Variants in RNF17 observed in about 807,000 individuals in gnomAD.
RNF17 encodes the protein spermatogenesis associated 23.
In RNF17, 31 loss-of-function variants were observed where a neutral mutation model predicts 200.5. That is an observed-to-expected ratio of 0.15 (90% confidence interval 0.12 to 0.21). The LOEUF (loss-of-function observed/expected upper bound fraction) is 0.21. Ranked by LOEUF, RNF17 falls within the 10% of genes least tolerant of loss-of-function variation. The pLI, the probability that RNF17 is intolerant of heterozygous loss-of-function variation, is 1.00. For synonymous variants in RNF17, 606 were observed against 637.8 expected, an observed-to-expected ratio of 0.95 and a Z score of 0.75; for missense variants, 1,628 against 1,905.1, an observed-to-expected ratio of 0.85 and a Z score of 2.71.
intron 9 of RNF17, among the ~76,000 whole-genome samples, chr13:24,791,408 A>AATC (rs1883840532): frequency 6.6e-6 from 1 of 152,184 alleles, no homozygotes; most frequent in Admixed American, 6.5e-5. Flanking sequence ...GGATTGTGGT[A>AATC]TTCATCAAGA....
intron 11 of RNF17, 74 bp from the exon 12 acceptor site, chr13:24,799,317 GAACT>G: frequency 9.2e-7 from 1 of 1,086,782 alleles, no homozygotes; most frequent in South Asian, 1.3e-5. Context: ...TTTCGTGGTA[GAACT>G]AACGTGTCTG....
At position 24,770,101 on chromosome 13, in the gene RNF17, A is replaced by G. The variant is rs527769718; in HGVS notation, c.225+2735A>G. Among the ~76,000 whole-genome samples, 4 of 152,274 alleles carry G rather than the reference A, an allele frequency of 2.6e-5. No individual in the cohort carries two copies. The South Asian group carries it at 6.2e-4, about 24-fold the overall frequency. ...AAATCATCCAATCAATAGATAATTC[A>G]TATATACTAAAATCCCATGATTGGA... On this transcript the variant is annotated intron_variant, in intron 2 of 35. Transcript: ENST00000255324.
At chr13:24,772,755 C>T (rs1305284319) in intron 2 of RNF17, among the ~76,000 whole-genome samples, 1 of 151,936 alleles carries the variant, frequency 6.6e-6, no homozygotes, top group African/African-American at 2.4e-5. Flanking sequence ...GGACTACAGG[C>T]GTCCACCACC....
chr13:24,852,451 T>TAG (rs1892046972), intron 24 of RNF17, among the ~76,000 whole-genome samples: 1 of 152,040 alleles, frequency 6.6e-6, no homozygotes, highest in South Asian at 2.1e-4. Flanking sequence ...TTTCTCTCTC[T>TAG]TTCTAGAGAT....
chr13:24,766,585 C>T (rs1879730156), intron 1 of RNF17, among the ~76,000 whole-genome samples: 1 of 152,164 alleles, frequency 6.6e-6, no homozygotes. Context: ...CTCATTTTGG[C>T]CCTTCCTGAC....
At chr13:24,872,535 A>G (rs1295826330) in intron 32 of RNF17, among the ~76,000 whole-genome samples, 1 of 122,962 alleles carries the variant, frequency 8.1e-6, no homozygotes, top group Non-Finnish European at 1.8e-5. Context: ...TCATTGGTAC[A>G]CTTTTTTTTT....
chr13:24,863,259 G>T (rs1893276875), intron 28 of RNF17, among the ~76,000 whole-genome samples: 1 of 152,172 alleles, frequency 6.6e-6, no homozygotes, highest in Non-Finnish European at 1.5e-5. Context: ...TAAGTGACTG[G>T]TAAAAAGAGT....
chr13:24,878,087 T>TA (rs1226381283), intron 34 of RNF17, among the ~76,000 whole-genome samples: 2 of 152,238 alleles, frequency 1.3e-5, no homozygotes, highest in African/African-American at 4.8e-5. Context: ...TCAGTTCACC[T>TA]AGTCCTCACT....
At chr13:24,808,212 A>G (rs1030123119) in intron 15 of RNF17, among the ~76,000 whole-genome samples, 2 of 151,962 alleles carry the variant, frequency 1.3e-5, no homozygotes, top group African/African-American at 4.8e-5. Context: ...TGGGGATGGC[A>G]TTGAATCTGT....
At chr13:24,872,182 A>G (rs193214718) in intron 32 of RNF17, among the ~76,000 whole-genome samples, 108 of 144,870 alleles carry the variant, frequency 7.5e-4, no homozygotes, top group African/African-American at 2.6e-3. Context: ...CTGGTCTCGA[A>G]CTCCTGACCT....
chr13:24,776,842 A>T (rs1881641962), intron 3 of RNF17, among the ~76,000 whole-genome samples: 1 of 152,092 alleles, frequency 6.6e-6, no homozygotes, highest in Non-Finnish European at 1.5e-5. Flanking sequence ...TTTTCTCAAG[A>T]CAAACTCGAG....
At chr13:24,795,489 A>G (rs1414060467) in intron 10 of RNF17, among the ~76,000 whole-genome samples, 1 of 148,816 alleles carries the variant, frequency 6.7e-6, no homozygotes, top group East Asian at 2.0e-4. Context: ...CTTCCTTAAC[A>G]TTGTACTTTG....
At chr13:24,841,584 C>A (rs1733459588) in intron 18 of RNF17, among the ~76,000 whole-genome samples, 1 of 152,212 alleles carries the variant, frequency 6.6e-6, no homozygotes, top group African/African-American at 2.4e-5. Context: ...GCTACTCTAA[C>A]TCCTAGCAAC....
intron 1 of RNF17, 96 bp downstream of exon 1, chr13:24,764,429 A>T (rs959575534): frequency 2.8e-6 from 4 of 1,435,744 alleles, no homozygotes; most frequent in Non-Finnish European, 3.7e-6. Flanking sequence ...GGTCAGCTGC[A>T]TCCAATCCTG....
In RNF17 at chr13:24,877,168, A is replaced by G. The variant is rs373410482; in HGVS notation, c.4755A>G (p.Gln1585=). 5.6e-6 allele frequency: 9 copies of G among 1,612,334 alleles called. No homozygotes were observed. Among genetic ancestry groups the G allele is most frequent in the Non-Finnish European group, 7.6e-6 (9 of 1,179,448 alleles). ...WAMIDCLQGK[Q]LYAVSMAPAP... ...TGATAGACTGTCTTCAAGGAAAACAACTCTATGCTGTGTCCATGGTAAGTG... is the reference window on the plus strand; with the variant it reads ...TGATAGACTGTCTTCAAGGAAAACAGCTCTATGCTGTGTCCATGGTAAGTG... Residue 1585 remains glutamine (Q), a synonymous_variant, in exon 34 of 36, where the codon CAA becomes CAG. Coordinates refer to ENST00000255324, the MANE Select transcript of RNF17 (RefSeq NM_031277.3).
intron 3 of RNF17, 36 bp downstream of exon 3, chr13:24,774,940 T>A: frequency 7.8e-7 from 1 of 1,284,746 alleles, no homozygotes; most frequent in Non-Finnish European, 1.1e-6. Flanking sequence ...GTATTTAAAG[T>A]CAATGTGTTA....
intron 32 of RNF17, among the ~76,000 whole-genome samples, chr13:24,871,554 T>C (rs1894251320): frequency 6.6e-6 from 1 of 151,922 alleles, no homozygotes; most frequent in African/African-American, 2.4e-5. Context: ...GCCAGGCTGG[T>C]GTCAAGCTCC....
chr13:24,820,276 G>A (rs1046473504), intron 15 of RNF17, among the ~76,000 whole-genome samples: 2 of 151,158 alleles, frequency 1.3e-5, no homozygotes, highest in Non-Finnish European at 3.0e-5. Flanking sequence ...TGTGCACCAC[G>A]ATGCCTGGCT....
chr13:24,825,623 AG>A lies in RNF17; in HGVS notation c.2099del (p.Gly700AlafsTer8). On this transcript the variant is annotated frameshift_variant, in exon 16 of 36. Coordinates refer to ENST00000255324, the MANE Select transcript of RNF17 (RefSeq NM_031277.3). LOFTEE classifies it high-confidence loss of function. Reference sequence around the variant, plus strand: ...CTTTATCCCTTTATTTACTAGATAGAGGGCCTGGATATTTTATTTCTATTAA... The same window carrying A: ...CTTTATCCCTTTATTTACTAGATAGAGGCCTGGATATTTTATTTCTATTAA... ...SPGDFYLQLI[E>X]GLDILFLLKT... is the part of the protein sequence containing the mutation. 6.3e-7 allele frequency: 1 copy of A among 1,585,950 alleles called. No individual in the cohort carries two copies. The highest frequency in any genetic ancestry group is 8.7e-7 in the Non-Finnish European group (1 of 1,155,890).
Sources: gnomAD v4.1 joint callset for allele counts (sites outside exome capture counted in the v4.1 genomes callset) on GRCh38, gnomAD v4.1.1 for gene constraint, MANE v1.5 for transcripts, NCBI Gene and HGNC (gene_info 2026-07-23, HGNC 2026-07-21) for gene names.